Variants in CNTN5 observed in about 807,000 individuals in gnomAD.
CNTN5 encodes the protein contactin 5, also known as contactin-5.
Under a neutral mutation model 129.1 loss-of-function variants are expected in CNTN5, and 77 were observed. That is an observed-to-expected ratio of 0.60 (90% CI 0.50 to 0.72). The LOEUF (loss-of-function observed/expected upper bound fraction) is 0.72. CNTN5 is among the 30% of genes least tolerant of loss of function. The probability of loss-of-function intolerance (pLI) is 0.00; values close to 1 mark genes in which losing one functional copy is unlikely to be tolerated. For missense variants in CNTN5, 1,478 were observed against 1,328.8 expected (o/e 1.11, Z -1.75); for synonymous variants, 509 against 465.6 (o/e 1.09, Z -1.20).
At chr11:100,183,530 G>A (rs1948202393) in intron 13 of CNTN5, among the ~76,000 whole-genome samples, 1 of 152,086 alleles carries the variant, frequency 6.6e-6, no homozygotes, top group Admixed American at 6.6e-5. Context: ...TCTGTTTATA[G>A]AAAATTCTAG....
chr11:99,053,065 T>C (rs1337232841), intron 1 of CNTN5, among the ~76,000 whole-genome samples: 1 of 151,908 alleles, frequency 6.6e-6, no homozygotes, highest in African/African-American at 2.4e-5. Context: ...CTCCCTCTTA[T>C]GTGCCAATAC....
chr11:99,037,222 T>C (rs1818855549), intron 1 of CNTN5, among the ~76,000 whole-genome samples: 1 of 152,210 alleles, frequency 6.6e-6, no homozygotes, highest in Non-Finnish European at 1.5e-5. Flanking sequence ...CTGGGAATTT[T>C]TTTCACCAGA....
At chr11:99,724,072 T>A (rs1943258827) in intron 3 of CNTN5, among the ~76,000 whole-genome samples, 1 of 152,178 alleles carries the variant, frequency 6.6e-6, no homozygotes, top group Admixed American at 6.5e-5. Context: ...ACACGTACTC[T>A]TCAATCAAAC....
At chr11:99,860,742 C>G (rs1379366783) in intron 6 of CNTN5, among the ~76,000 whole-genome samples, 2 of 151,952 alleles carry the variant, frequency 1.3e-5, no homozygotes, top group South Asian at 2.1e-4. Flanking sequence ...ATACCTCCAG[C>G]TTTGTTATTT....
At chr11:99,682,028 G>A (rs1953578182) in intron 3 of CNTN5, among the ~76,000 whole-genome samples, 1 of 151,770 alleles carries the variant, frequency 6.6e-6, no homozygotes, top group Non-Finnish European at 1.5e-5. Context: ...TTAGGTCTAG[G>A]CAAAAAATTT....
intron 3 of CNTN5, among the ~76,000 whole-genome samples, chr11:99,757,278 A>C (rs1944435099): frequency 6.6e-6 from 1 of 151,890 alleles, no homozygotes; most frequent in South Asian, 2.1e-4. Context: ...TCTCCTTATA[A>C]GGACCTATAC....
chr11:99,775,131 T>C (rs991881919), intron 3 of CNTN5, among the ~76,000 whole-genome samples: 2 of 152,012 alleles, frequency 1.3e-5, no homozygotes, highest in Non-Finnish European at 2.9e-5. Flanking sequence ...TACTGAGTGG[T>C]TTTTACTCTG....
At chr11:99,751,601 C>T (rs1445665544) in intron 3 of CNTN5, among the ~76,000 whole-genome samples, 1 of 152,120 alleles carries the variant, frequency 6.6e-6, no homozygotes, top group African/African-American at 2.4e-5. Flanking sequence ...AAAGTCCCAG[C>T]ACTCCTAATT....
At chr11:99,913,695 A>G (rs988641523) in intron 6 of CNTN5, among the ~76,000 whole-genome samples, 5 of 152,082 alleles carry the variant, frequency 3.3e-5, no homozygotes, top group Non-Finnish European at 7.4e-5. Flanking sequence ...TTTAATTTCT[A>G]GGGCATGCCT....
In CNTN5 at chr11:100,334,764, T is replaced by C. The variant is rs186881411; in HGVS notation, c.2731-5699T>C. 4.6e-5 allele frequency among the ~76,000 whole-genome samples: 7 copies of C among 152,162 alleles called. No individual in the cohort carries two copies. The East Asian group carries it at 1.4e-3, about 29-fold the overall frequency. The stretch of plus-strand genomic sequence containing the variant: ...AGTTATAAGAATGACATGTTAGACT[T>C]TGGGGATTCAGGAGGAATGGTAATG... On this transcript the variant is annotated intron_variant, in intron 21 of 24. Transcript: ENST00000524871.
chr11:99,276,818 T>C (rs923941685), intron 1 of CNTN5, among the ~76,000 whole-genome samples: 4 of 151,556 alleles, frequency 2.6e-5, no homozygotes, highest in African/African-American at 9.7e-5. Flanking sequence ...TATGTCATAA[T>C]TTAGTCATTC....
At chr11:100,334,346 T>G (rs1951979313) in intron 21 of CNTN5, among the ~76,000 whole-genome samples, 1 of 152,126 alleles carries the variant, frequency 6.6e-6, no homozygotes, top group African/African-American at 2.4e-5. Flanking sequence ...TGTAAACTAG[T>G]ACAACCACTA....
At chr11:99,628,517 T>C (rs984890251) in intron 3 of CNTN5, among the ~76,000 whole-genome samples, 6 of 151,890 alleles carry the variant, frequency 4.0e-5, no homozygotes, top group Admixed American at 2.6e-4. Context: ...GTGTATTATA[T>C]ACAGGTATTA....
chr11:99,968,401 C>T (rs375912265), intron 8 of CNTN5, among the ~76,000 whole-genome samples: 35 of 152,126 alleles, frequency 2.3e-4, no homozygotes, highest in African/African-American at 7.0e-4. Flanking sequence ...AACTAATCAG[C>T]TGAGAATGTA....
intron 3 of CNTN5, among the ~76,000 whole-genome samples, chr11:99,811,936 A>G (rs1946440573): frequency 1.3e-5 from 2 of 152,296 alleles, no homozygotes; most frequent in South Asian, 4.1e-4. Flanking sequence ...TGAGCAACTG[A>G]TGAAAATTTT....
chr11:100,056,397 G>A (rs530369826), intron 9 of CNTN5, among the ~76,000 whole-genome samples: 4 of 150,378 alleles, frequency 2.7e-5, no homozygotes, highest in African/African-American at 9.7e-5. Flanking sequence ...CCATTTAGAG[G>A]AAATTAGATT....
chr11:99,266,362 G>A (rs1040000693), intron 1 of CNTN5, among the ~76,000 whole-genome samples: 1 of 152,102 alleles, frequency 6.6e-6, no homozygotes, highest in Non-Finnish European at 1.5e-5. Flanking sequence ...GCTTTGGAAA[G>A]CATAGGTGGG....
intron 6 of CNTN5, among the ~76,000 whole-genome samples, chr11:99,897,024 G>A (rs192951303): frequency 5.3e-5 from 8 of 152,148 alleles, no homozygotes; most frequent in East Asian, 1.9e-4. Flanking sequence ...CCATCATAGC[G>A]AGCATCTGAA....
intron 18 of CNTN5, among the ~76,000 whole-genome samples, chr11:100,288,992 T>C: frequency 6.6e-6 from 1 of 152,054 alleles, no homozygotes; most frequent in Non-Finnish European, 1.5e-5. Context: ...TCTACGCAAA[T>C]AAACTAGAAA....
Sources: gnomAD v4.1 joint callset for allele counts (sites outside exome capture counted in the v4.1 genomes callset) on GRCh38, gnomAD v4.1.1 for gene constraint, MANE v1.5 for transcripts, NCBI Gene and HGNC (gene_info 2026-07-23, HGNC 2026-07-21) for gene names.